The following SMURF2 variants were observed in gnomAD, a reference collection of about 807,000 sequenced individuals.
SMURF2 encodes the protein E3 ubiquitin-protein ligase SMURF2.
A neutral mutation model predicts 109.6 loss-of-function variants in SMURF2; 48 were observed. That is an observed-to-expected ratio of 0.44 (90% CI 0.35 to 0.56). The LOEUF is 0.56. Among genes scored for constraint, SMURF2 ranks in the 20% least tolerant of loss-of-function variants. The probability of loss-of-function intolerance (pLI) is 0.01; values close to 1 mark genes in which losing one functional copy is unlikely to be tolerated. For missense variants in SMURF2, 575 were observed against 909.0 expected, an observed-to-expected ratio of 0.63 and a Z score of 4.72; for synonymous variants, 288 against 317.1, an observed-to-expected ratio of 0.91 and a Z score of 0.97.
At chr17:64,624,515 A>T (rs939915827) in intron 1 of SMURF2, among the ~76,000 whole-genome samples, 2 of 150,960 alleles carry the variant, frequency 1.3e-5, no homozygotes, top group Non-Finnish European at 2.9e-5. Flanking sequence ...AAAAAAAAAA[A>T]AAAAAATTAA....
intron 1 of SMURF2, among the ~76,000 whole-genome samples, chr17:64,637,549 G>A (rs1970433162): frequency 6.6e-6 from 1 of 151,752 alleles, no homozygotes; most frequent in Non-Finnish European, 1.5e-5. Context: ...AAATCCAGTT[G>A]GTCCAACACA....
rs999493158 is a variant in SMURF2, at chr17:64,542,680, C to G, written c.*3168G>C. The G allele has an allele frequency of 6.6e-6, 1 of 152,182 alleles. No homozygotes were observed. Among genetic ancestry groups the G allele is most frequent in the Non-Finnish European group, 1.5e-5 (1 of 68,040 alleles). The allele number at this position is 152,182 out of a possible 1,614,324, so 9.4% of individuals were successfully genotyped here. A position where few individuals can be genotyped will look rare whatever the true frequency, so the allele number is the denominator to read the frequency against. On this transcript the variant is annotated 3_prime_UTR_variant, in exon 19 of 19. Transcript: ENST00000262435. ...AAACTAAGGATGGTTGGAACAGCCT[C>G]TAACTCCCAACAATCCAATCAGTCC...
At chr17:64,564,707 C>G (rs1387911280) in intron 10 of SMURF2, among the ~76,000 whole-genome samples, 1 of 152,134 alleles carries the variant, frequency 6.6e-6, no homozygotes, top group African/African-American at 2.4e-5. Context: ...CCAGAAACCA[C>G]TGGGAAGTTA....
chr17:64,639,645 G>A (rs547020048), intron 1 of SMURF2, among the ~76,000 whole-genome samples: 1 of 152,258 alleles, frequency 6.6e-6, no homozygotes, highest in Admixed American at 6.5e-5. Flanking sequence ...ATAAGATGTG[G>A]TGTCTAATAC....
At position 64,571,964 on chromosome 17, in the gene SMURF2, A is replaced by G; in HGVS notation, c.858-8T>C. 3 of 1,598,414 alleles carry G rather than the reference A, an allele frequency of 1.9e-6. No homozygotes were observed. The South Asian group carries it at 3.4e-5, about 18-fold the overall frequency. ...TTGATGTTGCTAAGATCCCTGCAAAAACAAATATAAAATAAAAAATACCTC... is the reference window on the plus strand; with the variant it reads ...TTGATGTTGCTAAGATCCCTGCAAAGACAAATATAAAATAAAAAATACCTC... On this transcript the variant is annotated splice_polypyrimidine_tract_variant and splice_region_variant and intron_variant, in intron 9 of 18. Coordinates refer to ENST00000262435, the MANE Select transcript of SMURF2 (RefSeq NM_022739.4).
intron 1 of SMURF2, among the ~76,000 whole-genome samples, chr17:64,658,720 A>G (rs1970735684): frequency 6.6e-6 from 1 of 152,254 alleles, no homozygotes; most frequent in Admixed American, 6.5e-5. Context: ...TTCAGAAACA[A>G]TAATGGTATA....
At chr17:64,642,798 A>T (rs868983020) in intron 1 of SMURF2, among the ~76,000 whole-genome samples, 31 of 151,808 alleles carry the variant, frequency 2.0e-4, no homozygotes, top group Admixed American at 1.6e-3. Flanking sequence ...TTATTTATTT[A>T]TTTATTTATT....
chr17:64,549,305 C>T (rs1217414451), intron 16 of SMURF2, among the ~76,000 whole-genome samples: 3 of 148,422 alleles, frequency 2.0e-5, no homozygotes, highest in Non-Finnish European at 4.4e-5. Context: ...TAATGTTAGC[C>T]AGGCGTGGTG....
intron 1 of SMURF2, among the ~76,000 whole-genome samples, chr17:64,652,437 A>G (rs559788424): frequency 6.6e-6 from 1 of 152,356 alleles, no homozygotes; most frequent in Non-Finnish European, 1.5e-5. Context: ...AATCATAAAG[A>G]AAACACAGGA....
At chr17:64,574,034 C>T (rs114928640) in intron 9 of SMURF2, among the ~76,000 whole-genome samples, 250 of 152,126 alleles carry the variant, frequency 1.6e-3, no homozygotes, top group African/African-American at 5.8e-3. Flanking sequence ...GGGTACTAGG[C>T]TTAGTATCTG....
intron 10 of SMURF2, among the ~76,000 whole-genome samples, chr17:64,566,593 A>ATTTTTTTTTTTTTTTTTTTTT (rs1568176881): frequency 1.6e-4 from 1 of 6,312 alleles, no homozygotes; most frequent in Non-Finnish European, 3.2e-4. Context: ...TTTTTTTTTG[A>ATTTTTTTTTTTTTTTTTTTTT]GACAGTCTCG....
chr17:64,641,474 T>C (rs1483223219), intron 1 of SMURF2, among the ~76,000 whole-genome samples: 2 of 152,194 alleles, frequency 1.3e-5, no homozygotes, highest in African/African-American at 4.8e-5. Flanking sequence ...TTCCCTCTCC[T>C]TGAATCTAGA....
chr17:64,562,730 G>GAA, intron 11 of SMURF2, 41 bp downstream of exon 11: 1 of 1,534,448 alleles, frequency 6.5e-7, no homozygotes, highest in Non-Finnish European at 8.9e-7. Context: ...TGGGTTTCTG[G>GAA]AAAAAAAAAT....
At chr17:64,580,634 C>A (rs527771364) in intron 8 of SMURF2, among the ~76,000 whole-genome samples, 155 bp downstream of exon 8, 1 of 152,230 alleles carries the variant, frequency 6.6e-6, no homozygotes, top group Non-Finnish European at 1.5e-5. Context: ...TCATCTACCA[C>A]TTCAAAGACT....
At chr17:64,571,565 C>G in intron 10 of SMURF2, among the ~76,000 whole-genome samples, 1 of 152,044 alleles carries the variant, frequency 6.6e-6, no homozygotes, top group East Asian at 1.9e-4. Context: ...ACCACCACAC[C>G]CAGCTAATTT....
chr17:64,654,732 G>C (rs1437155903), intron 1 of SMURF2, among the ~76,000 whole-genome samples: 1 of 152,200 alleles, frequency 6.6e-6, no homozygotes, highest in Non-Finnish European at 1.5e-5. Flanking sequence ...AGGAGGCTGA[G>C]GCAGGAGAAT....
intron 1 of SMURF2, chr17:64,660,860 T>A (rs1970765542): frequency 6.6e-6 from 1 of 152,170 alleles, no homozygotes; most frequent in African/African-American, 2.4e-5. Flanking sequence ...GGGTGGCATG[T>A]CCATGTAAGA....
In SMURF2 at chr17:64,545,917, T is replaced by C; in HGVS notation, c.2178A>G (p.Glu726=). ...CFNRIDIPPY[E]SYEKLYEKLL... is the part of the protein sequence containing the mutation. ...GCTTTTCATATAGCTTTTCATAGCT[T>C]TCATAGGGTGGAATGTCTATTCGAT... Residue 726 remains glutamate (E), a synonymous_variant, in exon 19 of 19, where the codon GAA becomes GAG. Transcript: ENST00000262435. The C allele has an allele frequency of 6.2e-7, 1 of 1,611,084 alleles. No homozygotes were observed. The highest frequency in any genetic ancestry group is 1.7e-4 in the Middle Eastern group (1 of 6,056).
At chr17:64,633,990 A>C (rs1476765640) in intron 1 of SMURF2, among the ~76,000 whole-genome samples, 1 of 152,120 alleles carries the variant, frequency 6.6e-6, no homozygotes, top group Non-Finnish European at 1.5e-5. Flanking sequence ...AACTGTCTCT[A>C]CTAAAATACA....
Sources: gnomAD v4.1 joint callset for allele counts (sites outside exome capture counted in the v4.1 genomes callset) on GRCh38, gnomAD v4.1.1 for gene constraint, MANE v1.5 for transcripts, NCBI Gene and HGNC (gene_info 2026-07-23, HGNC 2026-07-21) for gene names.